AEBP2: variants seen among roughly 807,000 people sequenced by gnomAD.
AEBP2 encodes zinc finger protein AEBP2.
Under a neutral mutation model 50.8 loss-of-function variants are expected in AEBP2, and 10 were observed. The observed-to-expected ratio is 0.20, with a 90% CI of 0.12 to 0.33. AEBP2 has a LOEUF of 0.33. Ranked by LOEUF, AEBP2 falls within the 10% of genes least tolerant of loss-of-function variation. AEBP2 has a pLI of 1.00. For missense variants in AEBP2, 570 were observed against 688.0 expected (o/e 0.83, Z 1.92); for synonymous variants, 296 against 261.3 (o/e 1.13, Z -1.28).
At chr12:19,478,838 T>G (rs1353773215) in intron 3 of AEBP2, among the ~76,000 whole-genome samples, 1 of 152,132 alleles carries the variant, frequency 6.6e-6, no homozygotes, top group Non-Finnish European at 1.5e-5. Flanking sequence ...GGATACTTGA[T>G]ATAATTTAGA....
At chr12:19,458,718 C>CT (rs1834286992) in intron 1 of AEBP2, among the ~76,000 whole-genome samples, 2 of 152,110 alleles carry the variant, frequency 1.3e-5, no homozygotes, top group Admixed American at 1.3e-4. Flanking sequence ...CTCTCTTAAC[C>CT]TTACTGTGTC....
intron 3 of AEBP2, among the ~76,000 whole-genome samples, chr12:19,487,346 C>T (rs989723191): frequency 6.6e-6 from 1 of 151,952 alleles, no homozygotes; most frequent in African/African-American, 2.4e-5. Flanking sequence ...TACTGTAGTT[C>T]AGTGATTATT....
At chr12:19,499,842 CTG>C (rs953446516) in intron 4 of AEBP2, among the ~76,000 whole-genome samples, 10 of 152,084 alleles carry the variant, frequency 6.6e-5, no homozygotes, top group South Asian at 4.1e-4. Flanking sequence ...AATGAAGTAG[CTG>C]AGATGTGGAA....
chr12:19,521,903 TAAAAAA>T lies in AEBP2; in HGVS notation c.*3788_*3793del, dbSNP rs753844287. 1 of 152,028 alleles carries T rather than the reference TAAAAAA, an allele frequency of 6.6e-6. No individual in the cohort carries two copies. Among genetic ancestry groups the T allele is most frequent in the African/African-American group, 2.4e-5 (1 of 41,436 alleles). The allele number at this position is 152,028 out of a possible 1,614,324, so 9.4% of individuals were successfully genotyped here. On this transcript the variant is annotated 3_prime_UTR_variant, in exon 8 of 8. Coordinates refer to ENST00000266508, the MANE Select transcript of AEBP2 (RefSeq NM_153207.5). ...GAGGGTTTTCTCTTTAATCACAACTTAAAAAAAGAAACCTTTAATACCTCTGCATAA... is the reference window on the plus strand; with the variant it reads ...GAGGGTTTTCTCTTTAATCACAACTTAGAAACCTTTAATACCTCTGCATAA...
intron 1 of AEBP2, among the ~76,000 whole-genome samples, chr12:19,413,997 G>T (rs138367215): frequency 6.6e-6 from 1 of 151,830 alleles, no homozygotes; most frequent in African/African-American, 2.4e-5. Context: ...AGGTCCAAGC[G>T]ATTCTCCTGC....
intron 3 of AEBP2, among the ~76,000 whole-genome samples, chr12:19,478,974 C>T (rs1198192382): frequency 5.9e-5 from 9 of 151,974 alleles, no homozygotes; most frequent in African/African-American, 1.2e-4. Context: ...TTTGGGAGGC[C>T]GAAGCAGGTG....
intron 5 of AEBP2, among the ~76,000 whole-genome samples, chr12:19,512,106 C>T (rs1949241496): frequency 6.6e-6 from 1 of 152,050 alleles, no homozygotes; most frequent in African/African-American, 2.4e-5. Context: ...ACTGCAACCG[C>T]CACCTCCTGG....
chr12:19,418,204 C>G (rs147422250), intron 1 of AEBP2, among the ~76,000 whole-genome samples: 408 of 152,070 alleles, frequency 2.7e-3, no homozygotes, highest in African/African-American at 9.4e-3. Context: ...TGAGACACCC[C>G]TTTCTATTGA....
At chr12:19,443,919 T>A (rs1394315338) in intron 1 of AEBP2, among the ~76,000 whole-genome samples, 1 of 152,220 alleles carries the variant, frequency 6.6e-6, no homozygotes. Context: ...CGTGTTTATT[T>A]TAGTAAATTT....
At chr12:19,412,876 C>T (rs1024322015) in intron 1 of AEBP2, among the ~76,000 whole-genome samples, 25 of 152,160 alleles carry the variant, frequency 1.6e-4, no homozygotes, top group African/African-American at 4.6e-4. Flanking sequence ...GGTGCCTCCC[C>T]GGGGGCCCGG....
upstream of AEBP2, among the ~76,000 whole-genome samples, chr12:19,436,060 ACAGGTCACAAACT>A (rs1947859246): frequency 6.6e-6 from 1 of 152,234 alleles, no homozygotes; most frequent in African/African-American, 2.4e-5. Context: ...AGCACAAGAT[ACAGGTCACAAACT>A]CCTTGCTGGT....
chr12:19,441,009 G>A (rs1305625038), intron 1 of AEBP2, among the ~76,000 whole-genome samples: 4 of 152,190 alleles, frequency 2.6e-5, no homozygotes, highest in Admixed American at 6.5e-5. Flanking sequence ...TTTTAAACAC[G>A]TATAAATGGT....
At position 19,519,776 on chromosome 12, in the gene AEBP2, A is replaced by C. The variant is rs1211380833; in HGVS notation, c.*1659A>C. ...CTTTAAAAAATTTAAAAGTGTAAAAATTATGAGAGACTTTATTCGTTAACA... is the reference window on the plus strand; with the variant it reads ...CTTTAAAAAATTTAAAAGTGTAAAACTTATGAGAGACTTTATTCGTTAACA... On this transcript the variant is annotated 3_prime_UTR_variant, in exon 8 of 8. Transcript: ENST00000266508. 6.6e-6 allele frequency: 1 copy of C among 152,584 alleles called. No individual in the cohort carries two copies. The allele number at this position is 152,584 out of a possible 1,614,324, so 9.5% of individuals were successfully genotyped here.
At chr12:19,490,091 C>G (rs1948875415) in intron 3 of AEBP2, among the ~76,000 whole-genome samples, 1 of 123,892 alleles carries the variant, frequency 8.1e-6, no homozygotes, top group Non-Finnish European at 1.6e-5. Context: ...AAGTGATTTT[C>G]CCACCTTGGC....
At chr12:19,463,363 A>C (rs1380290095) in intron 2 of AEBP2, among the ~76,000 whole-genome samples, 1 of 152,238 alleles carries the variant, frequency 6.6e-6, no homozygotes, top group Non-Finnish European at 1.5e-5. Context: ...ATATTAATTT[A>C]TACATTGTTT....
intron 3 of AEBP2, among the ~76,000 whole-genome samples, chr12:19,475,406 C>T (rs1241476160): frequency 2.6e-5 from 4 of 151,916 alleles, no homozygotes; most frequent in East Asian, 1.9e-4. Context: ...TATTTTGTTC[C>T]TTCTTATGGC....
At chr12:19,424,125 C>T (rs2153364661) in intron 1 of AEBP2, among the ~76,000 whole-genome samples, 1 of 152,086 alleles carries the variant, frequency 6.6e-6, no homozygotes, top group African/African-American at 2.4e-5. Flanking sequence ...GAAATCAATA[C>T]TTAAAAAGCA....
rs958922309 is a variant in AEBP2 at position 19,493,735 on chromosome 12, C to G, written c.988-65C>G. On this transcript the variant is annotated intron_variant, in intron 3 of 7. Transcript: ENST00000266508. ...CTTCCGAAAATACTAGATATTCACTCATTGATATTCTTCTCGTGCCCTACA... is the reference window on the plus strand; with the variant it reads ...CTTCCGAAAATACTAGATATTCACTGATTGATATTCTTCTCGTGCCCTACA... The G allele has an allele frequency of 6.2e-6, 9 of 1,442,850 alleles. No individual in the cohort carries two copies. In the African/African-American group the frequency reaches 1.3e-4, roughly 20 times the overall value. 89.4% of individuals were successfully genotyped at this position (1,442,850 alleles called of 1,614,324 possible). A position where few individuals can be genotyped will look rare whatever the true frequency, so the allele number is the denominator to read the frequency against.
intron 1 of AEBP2, among the ~76,000 whole-genome samples, chr12:19,445,279 G>GC (rs1948039996): frequency 6.6e-6 from 1 of 152,038 alleles, no homozygotes; most frequent in Admixed American, 6.6e-5. Flanking sequence ...GCTCACGGCA[G>GC]CCTCTGCCTC....
Sources: allele counts gnomAD v4.1 joint callset (sites outside exome capture counted in the v4.1 genomes callset), GRCh38; gene constraint gnomAD v4.1.1; transcripts MANE v1.5; gene names NCBI Gene and HGNC (gene_info 2026-07-23, HGNC 2026-07-21).